ABCA1: variants seen among roughly 807,000 people sequenced by gnomAD.
The protein encoded by ABCA1 is phospholipid-transporting ATPase ABCA1.
ABCA1 carries 133 observed loss-of-function variants against 262.5 expected under a neutral mutation model. The observed-to-expected ratio is 0.51, with a 90% CI of 0.44 to 0.59. ABCA1 has a LOEUF of 0.59. ABCA1 is among the 20% of genes least tolerant of loss of function. The probability of loss-of-function intolerance (pLI) is 0.00; values close to 1 mark genes in which losing one functional copy is unlikely to be tolerated. For synonymous variants in ABCA1, 1,022 were observed against 1,043.5 expected, an observed-to-expected ratio of 0.98 and a Z score of 0.40; for missense variants, 2,452 against 2,777.5, an observed-to-expected ratio of 0.88 and a Z score of 2.63.
chr9:104,806,048 T>C (rs1830730987), intron 31 of ABCA1, among the ~76,000 whole-genome samples, 193 bp downstream of exon 31: 1 of 151,692 alleles, frequency 6.6e-6, no homozygotes, highest in Non-Finnish European at 1.5e-5. Context: ...GAGGTTGCAG[T>C]GAGGCAAGAT....
chr9:104,869,081 G>A (rs1837352393), intron 5 of ABCA1, among the ~76,000 whole-genome samples: 1 of 152,084 alleles, frequency 6.6e-6, no homozygotes, highest in Non-Finnish European at 1.5e-5. Flanking sequence ...AGGCGGAGGA[G>A]GAAAGCCCTT....
chr9:104,884,391 G>T, intron 4 of ABCA1, 36 bp downstream of exon 4: 1 of 1,613,618 alleles, frequency 6.2e-7, no homozygotes, highest in South Asian at 1.1e-5. Flanking sequence ...AGGATTAACT[G>T]ACAAGTTTGG....
At chr9:104,908,404 T>C (rs1054775965) in intron 1 of ABCA1, among the ~76,000 whole-genome samples, 1 of 152,198 alleles carries the variant, frequency 6.6e-6, no homozygotes, top group Non-Finnish European at 1.5e-5. Flanking sequence ...CAGTGGCTCA[T>C]GCCTGTAATC....
At position 104,891,966 on chromosome 9, in the gene ABCA1, TAAAAAAAAAAAA is replaced by T. The variant is rs570923490; in HGVS notation, c.67-2783_67-2772del. 3.8e-3 allele frequency among the ~76,000 whole-genome samples: 223 copies of T among 59,232 alleles called. 1 individual carries two copies. In the Middle Eastern group the frequency reaches 0.075, roughly 20 times the overall value. The allele number at this position is 59,232 out of a possible 152,430, so 38.9% of individuals were successfully genotyped here. The stretch of plus-strand genomic sequence containing the variant: ...GGCGACAGAGCAAGACTCTGTCTCT[TAAAAAAAAAAAA>T]AAAAAAAAAAAAAAAAAAGTGATGT... On this transcript the variant is annotated intron_variant, in intron 2 of 49. Coordinates refer to ENST00000374736, the MANE Select transcript of ABCA1 (RefSeq NM_005502.4).
At chr9:104,852,923 A>G (rs1748209682) in intron 7 of ABCA1, among the ~76,000 whole-genome samples, 1 of 152,348 alleles carries the variant, frequency 6.6e-6, no homozygotes, top group East Asian at 1.9e-4. Flanking sequence ...CTAAAAAGCC[A>G]TGAGGCTGAA....
intron 1 of ABCA1, among the ~76,000 whole-genome samples, chr9:104,921,630 T>C (rs1420148094): frequency 2.0e-5 from 3 of 152,244 alleles, no homozygotes; most frequent in Non-Finnish European, 4.4e-5. Flanking sequence ...TAACTACAGT[T>C]GTTTCTCATA....
At chr9:104,920,935 AG>A (rs1842110618) in intron 1 of ABCA1, among the ~76,000 whole-genome samples, 2 of 152,232 alleles carry the variant, frequency 1.3e-5, no homozygotes, top group African/African-American at 4.8e-5. Context: ...GATGAAACTG[AG>A]GCAAAGAGTG....
At chr9:104,921,482 G>C (rs976176699) in intron 1 of ABCA1, among the ~76,000 whole-genome samples, 17 of 152,178 alleles carry the variant, frequency 1.1e-4, no homozygotes, top group African/African-American at 4.1e-4. Context: ...ACAGACTAGA[G>C]CATTTTCTTA....
In ABCA1 at chr9:104,832,672, G is replaced by A. The variant is rs745775120; in HGVS notation, c.1411C>T (p.Pro471Ser). ...QDIVAFLAKHPEDVQSSNGSV... is the reference protein window; with the variant it reads ...QDIVAFLAKHSEDVQSSNGSV... ...CCATTACTGGACTGGACATCCTCTG[G>A]GTGCTTGGCCAAAAACGCCACGATG... The change falls in exon 12 of 50, where the codon CCA (proline) becomes TCA (serine). Residue 471 changes from proline to serine, a missense_variant. Coordinates refer to ENST00000374736, the MANE Select transcript of ABCA1 (RefSeq NM_005502.4). 4 of 1,614,076 alleles carry A rather than the reference G, an allele frequency of 2.5e-6. No homozygotes were observed. Among genetic ancestry groups the A allele is most frequent in the Non-Finnish European group, 2.5e-6 (3 of 1,180,026 alleles).
chr9:104,904,182 T>C (rs1271871127), intron 1 of ABCA1, among the ~76,000 whole-genome samples: 1 of 152,146 alleles, frequency 6.6e-6, no homozygotes, highest in African/African-American at 2.4e-5. Flanking sequence ...CATTTGTAAA[T>C]TTTGCCTCAA....
At chr9:104,852,961 G>A (rs1835505179) in intron 7 of ABCA1, among the ~76,000 whole-genome samples, 1 of 152,184 alleles carries the variant, frequency 6.6e-6, no homozygotes, top group Non-Finnish European at 1.5e-5. Context: ...TCTGTATTCT[G>A]GGTCCTTGTC....
chr9:104,803,509 T>A (rs1473864428), intron 32 of ABCA1, among the ~76,000 whole-genome samples, 193 bp from the exon 33 acceptor site: 2 of 152,174 alleles, frequency 1.3e-5, no homozygotes, highest in Non-Finnish European at 2.9e-5. Context: ...CTCTCCATCA[T>A]AAATACCCTA....
Position 104,785,610 on chromosome 9 carries a change from C to T in ABCA1, c.6431G>A (p.Arg2144Gln), listed in dbSNP as rs566760790. The T allele has an allele frequency of 1.2e-5, 20 of 1,614,034 alleles. No individual in the cohort carries two copies. The highest frequency in any genetic ancestry group is 5.3e-5 in the African/African-American group (4 of 75,012). Reference protein sequence around the residue: ...RFGDGYTIVVRIAGSNPDLKP... With the variant: ...RFGDGYTIVVQIAGSNPDLKP... ...CAGGTCCGGGTTGGACCCTGCTATT[C>T]GTACAACTATTGTATAACCATCTCC... Residue 2144 changes from arginine to glutamine, a missense_variant, in exon 49 of 50, where the codon CGA (arginine) becomes CAA (glutamine). Transcript: ENST00000374736.
chr9:104,784,138 G>A lies in ABCA1; in HGVS notation c.*177C>T. 1.3e-6 allele frequency: 1 copy of A among 745,670 alleles called. No homozygotes were observed. Among genetic ancestry groups the A allele is most frequent in the South Asian group, 1.8e-5 (1 of 55,762 alleles). The allele number at this position is 745,670 out of a possible 1,614,324, so 46.2% of individuals were successfully genotyped here. On this transcript the variant is annotated 3_prime_UTR_variant, in exon 50 of 50. Coordinates refer to ENST00000374736, the MANE Select transcript of ABCA1 (RefSeq NM_005502.4). ...CATAGGCTACAAAGGCACTGCCCCT[G>A]TAATGGAATTTTGTTTTCATTGCAT...
At position 104,884,452 on chromosome 9, in the gene ABCA1, C is replaced by A; in HGVS notation, c.277G>T (p.Val93Phe). The A allele has an allele frequency of 6.2e-7, 1 of 1,614,248 alleles. No individual in the cohort carries two copies. The highest frequency in any genetic ancestry group is 8.5e-7 in the Non-Finnish European group (1 of 1,180,044). ...ATGGATTTGTTAAAGTTTCCAACAA[C>A]TCCGGGAGCCTCCCCAGGAGTCGGG... ...RYPTPGEAPG[V>F]VGNFNKSIVA... Residue 93 changes from valine to phenylalanine, a missense_variant, in exon 4 of 50, where the codon GTT becomes TTT. Transcript: ENST00000374736.
intron 7 of ABCA1, among the ~76,000 whole-genome samples, chr9:104,853,415 C>T (rs957907403): frequency 1.3e-5 from 2 of 152,156 alleles, no homozygotes; most frequent in Non-Finnish European, 1.5e-5. Flanking sequence ...GGGAGCTGGT[C>T]GAGAGGTCAT....
At chr9:104,836,220 C>T (rs1407386969) in intron 11 of ABCA1, among the ~76,000 whole-genome samples, 1 of 152,200 alleles carries the variant, frequency 6.6e-6, no homozygotes, top group East Asian at 1.9e-4. Flanking sequence ...TAGGTAGGTA[C>T]AGTCTCTAAA....
chr9:104,819,918 G>A lies in ABCA1; in HGVS notation c.3103+9C>T. 1 of 1,612,192 alleles carries A rather than the reference G, an allele frequency of 6.2e-7. No individual in the cohort carries two copies. Among genetic ancestry groups the A allele is most frequent in the African/African-American group, 1.3e-5 (1 of 75,036 alleles). ...GGAGAGGGATAGGGAAGGTAGCTCT[G>A]GGCCGCACCTGACAGCTGGCTTGTT... On this transcript the variant is annotated intron_variant, in intron 21 of 49. Coordinates refer to ENST00000374736, the MANE Select transcript of ABCA1 (RefSeq NM_005502.4).
intron 8 of ABCA1, among the ~76,000 whole-genome samples, chr9:104,844,810 A>T (rs1380508685): frequency 6.6e-6 from 1 of 151,702 alleles, no homozygotes; most frequent in Non-Finnish European, 1.5e-5. Context: ...CTCGCTTCCA[A>T]GCCTAATTTG....
Sources: allele counts gnomAD v4.1 joint callset (sites outside exome capture counted in the v4.1 genomes callset), GRCh38; gene constraint gnomAD v4.1.1; transcripts MANE v1.5; gene names NCBI Gene and HGNC (gene_info 2026-07-23, HGNC 2026-07-21).